Variants in SYS1 observed in about 807,000 individuals in gnomAD.
The protein encoded by SYS1 is protein SYS1 homolog.
Under a neutral mutation model 17.8 loss-of-function variants are expected in SYS1, and 8 were observed. That is an observed-to-expected ratio of 0.45 (90% CI 0.26 to 0.81). The LOEUF (loss-of-function observed/expected upper bound fraction) is 0.81, where lower values mean the gene tolerates loss of function less well. Ranked by LOEUF, SYS1 falls within the 40% of genes least tolerant of loss-of-function variation. The pLI is 0.16. For synonymous variants in SYS1, 95 were observed against 90.9 expected (o/e 1.05, Z -0.26); for missense variants, 161 against 203.9 (o/e 0.79, Z 1.28).
upstream of SYS1, among the ~76,000 whole-genome samples, chr20:45,362,435 C>T (rs1441409504): frequency 6.6e-6 from 1 of 152,092 alleles, no homozygotes; most frequent in East Asian, 1.9e-4. Flanking sequence ...GGCGTGATCT[C>T]GGCTCACTGC....
intron 2 of SYS1, among the ~76,000 whole-genome samples, chr20:45,364,601 A>G (rs6032141): frequency 0.47 from 70,052 of 149,390 alleles, 18,930 homozygotes; most frequent in Non-Finnish European, 0.61. Flanking sequence ...CCTCCCAAGT[A>G]GCTGGGACTA....
In SYS1 at chr20:45,368,928, T is replaced by A; in HGVS notation, c.*1813T>A. The A allele has an allele frequency of 1.1e-6, 1 of 946,148 alleles. No homozygotes were observed. The highest frequency in any genetic ancestry group is 1.3e-6 in the Non-Finnish European group (1 of 793,976). 58.6% of individuals were successfully genotyped at this position (946,148 alleles called of 1,614,324 possible). Reference sequence around the variant, plus strand: ...GGGATTCACTTCAAGGTCTTGTGCCTATTTTTCTGCATATCTTCTGTGATG... The same window carrying A: ...GGGATTCACTTCAAGGTCTTGTGCCAATTTTTCTGCATATCTTCTGTGATG... On this transcript the variant is annotated 3_prime_UTR_variant, in exon 4 of 4. Coordinates refer to ENST00000243918, the MANE Select transcript of SYS1 (RefSeq NM_033542.4).
At chr20:45,369,627 G>T (rs1322344420), downstream of SYS1, among the ~76,000 whole-genome samples, 1 of 124,890 alleles carries the variant, frequency 8.0e-6, no homozygotes, top group African/African-American at 3.1e-5. Flanking sequence ...TTTTGAGGCA[G>T]GGTCTTACTC....
downstream of SYS1, chr20:45,374,188 C>A: frequency 3.0e-6 from 2 of 672,104 alleles, no homozygotes; most frequent in South Asian, 3.3e-5. Context: ...CCCTTCCTTT[C>A]GTGGGACTTT....
intron 3 of SYS1, among the ~76,000 whole-genome samples, chr20:45,366,367 G>A (rs1399341431): frequency 2.0e-5 from 3 of 152,206 alleles, no homozygotes; most frequent in Non-Finnish European, 4.4e-5. Flanking sequence ...TTGAAAACTG[G>A]TGGGCTGACT....
chr20:45,374,990 C>T, exon 4 of SYS1: 8 of 1,576,504 alleles, frequency 5.1e-6, no homozygotes, highest in Middle Eastern at 1.7e-4. Flanking sequence ...CTGGGCCTGG[C>T]TTGGGGCTTG....
chr20:45,367,187 G>A lies in SYS1; in HGVS notation c.*72G>A. On this transcript the variant is annotated 3_prime_UTR_variant, in exon 4 of 4. Coordinates refer to ENST00000243918, the MANE Select transcript of SYS1 (RefSeq NM_033542.4). ...CTTGGGCTGCTCAGACCCTCCAGAT[G>A]AGGTCCAGCCCAGATCTGAGAGGAA... is the stretch of plus-strand genomic sequence containing the variant. 1 of 1,585,426 alleles carries A rather than the reference G, an allele frequency of 6.3e-7. No homozygotes were observed. The highest frequency in any genetic ancestry group is 2.2e-5 in the East Asian group (1 of 44,552).
exon 4 of SYS1, chr20:45,374,365 G>A (rs1988656535): frequency 4.6e-6 from 3 of 646,574 alleles, no homozygotes; most frequent in Non-Finnish European, 8.3e-6. Context: ...CTCGACTCCT[G>A]GGCTTAAGCG....
chr20:45,363,168 G>C lies in SYS1; in HGVS notation c.-151G>C. 1.9e-6 allele frequency: 2 copies of C among 1,039,754 alleles called. No homozygotes were observed. Among genetic ancestry groups the C allele is most frequent in the Non-Finnish European group, 2.3e-6 (2 of 862,510 alleles). The allele number at this position is 1,039,754 out of a possible 1,614,324, so 64.4% of individuals were successfully genotyped here. On this transcript the variant is annotated 5_prime_UTR_variant, in exon 1 of 4. Transcript: ENST00000243918. The stretch of plus-strand genomic sequence containing the variant: ...CCCGGAAACGTTTCTTTCCTACGCA[G>C]CCGCTCCTGCCGCCGTGGTCGCTGG...
chr20:45,363,442 C>T, intron 1 of SYS1, 87 bp from the exon 2 acceptor site: 1 of 1,487,668 alleles, frequency 6.7e-7, no homozygotes, highest in East Asian at 2.5e-5. Flanking sequence ...AATGGGCTCA[C>T]CCCTTGGTTC....
rs1988458391 is a variant in SYS1, at chr20:45,367,553, TGCCGAATCACA to T, written c.*441_*451del. ...ATCACAGCAGTTACCTTTGCAGTGT[TGCCGAATCACA>T]GCAGTTCTGTTGGAGAAACGCTTGG... On this transcript the variant is annotated 3_prime_UTR_variant, in exon 4 of 4. Transcript: ENST00000243918. The T allele has an allele frequency of 2.0e-6, 2 of 996,228 alleles. No individual in the cohort carries two copies. Among genetic ancestry groups the T allele is most frequent in the African/African-American group, 3.5e-5 (2 of 57,500 alleles). The allele number at this position is 996,228 out of a possible 1,614,324, so 61.7% of individuals were successfully genotyped here. A position where few individuals can be genotyped will look rare whatever the true frequency, so the allele number is the denominator to read the frequency against.
At chr20:45,362,016 T>C, upstream of SYS1, 7 of 985,434 alleles carry the variant, frequency 7.1e-6, no homozygotes, top group Non-Finnish European at 6.0e-6. Context: ...TTTCGTCTGC[T>C]GGAGTAGGAA....
At chr20:45,363,766 C>A in intron 2 of SYS1, 73 bp downstream of exon 2, 1 of 1,454,308 alleles carries the variant, frequency 6.9e-7, no homozygotes, top group Non-Finnish European at 9.2e-7. Flanking sequence ...CACTACTGTG[C>A]TGTAGACGTG....
downstream of SYS1, among the ~76,000 whole-genome samples, chr20:45,372,409 A>G (rs2145362119): frequency 6.6e-6 from 1 of 152,284 alleles, no homozygotes; most frequent in East Asian, 1.9e-4. Flanking sequence ...GCCCAACCCA[A>G]TCCAGCCTCC....
chr20:45,374,075 G>C, downstream of SYS1: 1 of 1,526,044 alleles, frequency 6.6e-7, no homozygotes, highest in African/African-American at 1.4e-5. Context: ...GTCGTTTGGG[G>C]AGCGGGCGCA....
chr20:45,368,127 C>T lies in SYS1; in HGVS notation c.*1012C>T, dbSNP rs1015975474. On this transcript the variant is annotated 3_prime_UTR_variant, in exon 4 of 4. Coordinates refer to ENST00000243918, the MANE Select transcript of SYS1 (RefSeq NM_033542.4). ...AGTATTTTCCATGGTTCTGCCTGCA[C>T]TTACTTTGTAATGCCACGGTTGAGA... The T allele has an allele frequency of 6.1e-6, 6 of 985,332 alleles. No individual in the cohort carries two copies. The highest frequency in any genetic ancestry group is 7.2e-6 in the Non-Finnish European group (6 of 829,954). 61.0% of individuals were successfully genotyped at this position (985,332 alleles called of 1,614,324 possible). A position where few individuals can be genotyped will look rare whatever the true frequency, so the allele number is the denominator to read the frequency against.
intron 3 of SYS1, among the ~76,000 whole-genome samples, chr20:45,366,188 C>T (rs1422319786): frequency 6.6e-6 from 1 of 152,234 alleles, no homozygotes; most frequent in Non-Finnish European, 1.5e-5. Flanking sequence ...AGCTTTACTA[C>T]TAGTCTAGTG....
At position 45,368,968 on chromosome 20, in the gene SYS1, CCT is replaced by C. The variant is rs1243426512; in HGVS notation, c.*1854_*1855del. 2 of 824,932 alleles carry C rather than the reference CCT, an allele frequency of 2.4e-6. No individual in the cohort carries two copies. The highest frequency in any genetic ancestry group is 2.9e-6 in the Non-Finnish European group (2 of 683,106). The allele number at this position is 824,932 out of a possible 1,614,324, so 51.1% of individuals were successfully genotyped here. A position where few individuals can be genotyped will look rare whatever the true frequency, so the allele number is the denominator to read the frequency against. On this transcript the variant is annotated 3_prime_UTR_variant, in exon 4 of 4. Coordinates refer to ENST00000243918, the MANE Select transcript of SYS1 (RefSeq NM_033542.4). The stretch of plus-strand genomic sequence containing the variant: ...CTTCTGTGATGACAAATCTCTGTCC[CCT>C]GAGTGTTAATTTGATTTTTAGAAAT...
chr20:45,365,935 C>T lies in SYS1; in HGVS notation c.230+249C>T, dbSNP rs572997192. The T allele has an allele frequency of 9.4e-6, 5 of 533,034 alleles. No individual in the cohort carries two copies. In the South Asian group the frequency reaches 1.0e-4, roughly 11 times the overall value. 33.0% of individuals were successfully genotyped at this position (533,034 alleles called of 1,614,324 possible). On this transcript the variant is annotated intron_variant, in intron 3 of 3. Transcript: ENST00000243918. ...ACAACTTCCATCTCAGATAACTTCCCTGATGTGGAGTGAGCTGAGAAAGGA... is the reference window on the plus strand; with the variant it reads ...ACAACTTCCATCTCAGATAACTTCCTTGATGTGGAGTGAGCTGAGAAAGGA...
Sources: gnomAD v4.1 joint callset for allele counts (sites outside exome capture counted in the v4.1 genomes callset) on GRCh38, gnomAD v4.1.1 for gene constraint, MANE v1.5 for transcripts, NCBI Gene and HGNC (gene_info 2026-07-23, HGNC 2026-07-21) for gene names.